Variants in CACNA1A observed in about 807,000 individuals in gnomAD.
CACNA1A encodes the protein voltage-dependent P/Q-type calcium channel subunit alpha-1A.
In CACNA1A, 57 loss-of-function variants were observed where a neutral mutation model predicts 262.4. That is an observed-to-expected ratio of 0.22 (90% CI 0.18 to 0.27). The LOEUF (loss-of-function observed/expected upper bound fraction) is 0.27. Ranked by LOEUF, CACNA1A falls within the 10% of genes least tolerant of loss-of-function variation. The pLI is 1.00. For synonymous variants in CACNA1A, 1,431 were observed against 1,419.3 expected (o/e 1.01, Z -0.18); for missense variants, 2,526 against 3,562.8 (o/e 0.71, Z 7.41).
chr19:13,291,190 G>C (rs2057528591), intron 19 of CACNA1A, among the ~76,000 whole-genome samples: 1 of 152,140 alleles, frequency 6.6e-6, no homozygotes, highest in Non-Finnish European at 1.5e-5. Flanking sequence ...TGGCGTTCTT[G>C]TGCCAGCTGA....
chr19:13,264,015 C>A (rs904212412), intron 24 of CACNA1A, among the ~76,000 whole-genome samples: 7 of 152,152 alleles, frequency 4.6e-5, no homozygotes, highest in Non-Finnish European at 8.8e-5. Context: ...GTGGCTGCTG[C>A]CATGGTCTCT....
rs569243883 is a variant in CACNA1A at position 13,483,397 on chromosome 19, T to TC, written c.293+22534dup. Among the ~76,000 whole-genome samples the TC allele has an allele frequency of 2.6e-5, 4 of 152,180 alleles. No homozygotes were observed. The South Asian group carries it at 8.3e-4, about 32-fold the overall frequency. ...AATACACCTTTAAGAAGACTGCTCT[T>TC]CCCCACTTGGAGAAGTTGGCTCCAC... On this transcript the variant is annotated intron_variant, in intron 1 of 46. Transcript: ENST00000360228.
At chr19:13,403,633 C>T (rs7246606) in intron 3 of CACNA1A, among the ~76,000 whole-genome samples, 70 of 152,202 alleles carry the variant, frequency 4.6e-4, no homozygotes, top group African/African-American at 1.5e-3. Context: ...TTGTGCTTGG[C>T]GACCTTTATA....
At chr19:13,209,080 G>GA in intron 45 of CACNA1A, 71 bp from the exon 46 acceptor site, 1 of 1,529,496 alleles carries the variant, frequency 6.5e-7, no homozygotes, top group East Asian at 2.5e-5. Context: ...GCACACACAG[G>GA]AGGCCACCTG....
intron 38 of CACNA1A, among the ~76,000 whole-genome samples, chr19:13,220,652 C>T (rs1441998874): frequency 6.6e-6 from 1 of 152,128 alleles, no homozygotes; most frequent in East Asian, 1.9e-4. Context: ...TGTGAGCTGA[C>T]AAATAGGTGT....
In CACNA1A at chr19:13,437,907, G is replaced by C. The variant is rs140502345; in HGVS notation, c.539+14969C>G. Among the ~76,000 whole-genome samples, 1,019 of 152,004 alleles carry C rather than the reference G, an allele frequency of 6.7e-3. 17 individuals carry two copies. The highest frequency in any genetic ancestry group is 0.022 in the African/African-American group (921 of 41,460). On this transcript the variant is annotated intron_variant, in intron 3 of 46. Coordinates refer to ENST00000360228, the MANE Select transcript of CACNA1A (RefSeq NM_001127222.2). ...AGCCCCAGTGGACAGAGGGAGCCAG[G>C]TTGCGTGTCTGTGCATGTCAGCATG... is the stretch of plus-strand genomic sequence containing the variant.
intron 3 of CACNA1A, among the ~76,000 whole-genome samples, chr19:13,418,564 C>T (rs1357239532): frequency 6.6e-6 from 1 of 152,082 alleles, no homozygotes; most frequent in Non-Finnish European, 1.5e-5. Flanking sequence ...CCTTATGACA[C>T]AGCAGAAGAG....
intron 3 of CACNA1A, among the ~76,000 whole-genome samples, chr19:13,417,588 G>C (rs2060245048): frequency 1.3e-5 from 2 of 152,098 alleles, no homozygotes; most frequent in African/African-American, 4.8e-5. Flanking sequence ...AGCACAAGGA[G>C]TTAAAAGAGA....
At chr19:13,393,018 C>CT in intron 3 of CACNA1A, among the ~76,000 whole-genome samples, 1 of 152,214 alleles carries the variant, frequency 6.6e-6, no homozygotes, top group Non-Finnish European at 1.5e-5. Context: ...ATTTGCCCCC[C>CT]TCAGCCTCCC....
intron 30 of CACNA1A, among the ~76,000 whole-genome samples, chr19:13,250,741 T>C (rs1814615125): frequency 6.6e-6 from 1 of 152,166 alleles, no homozygotes; most frequent in African/African-American, 2.4e-5. Context: ...CATGTGAGAA[T>C]AGTGCTGGCT....
chr19:13,209,339 G>T lies in CACNA1A; in HGVS notation c.6499C>A (p.Leu2167Met). 7.2e-7 allele frequency: 1 copy of T among 1,395,990 alleles called. No homozygotes were observed. The highest frequency in any genetic ancestry group is 9.3e-7 in the Non-Finnish European group (1 of 1,070,934). The allele number at this position is 1,395,990 out of a possible 1,614,324, so 86.5% of individuals were successfully genotyped here. ...GTGTCCACATCGGTGTAGCGGCCCA[G>T]GGAGCGCTCAGAGGCGCGGTGGCTG... is the stretch of plus-strand genomic sequence containing the variant. ...DRSHRASERSLGRYTDVDTGL... is the reference protein window; with the variant it reads ...DRSHRASERSMGRYTDVDTGL... The change falls in exon 45 of 47, where the codon CTG becomes ATG. Residue 2167 changes from leucine (L) to methionine (M), a missense_variant. Physicochemically the swap from Leu to Met is conservative, Grantham distance 15 (BLOSUM62 2). Transcript: ENST00000360228.
Position 13,241,958 on chromosome 19 carries a change from G to A in CACNA1A, c.4950+3224C>T, listed in dbSNP as rs1474221950. On this transcript the variant is annotated intron_variant, in intron 31 of 46. Coordinates refer to ENST00000360228, the MANE Select transcript of CACNA1A (RefSeq NM_001127222.2). The surrounding 1 kb of genome is among the most constrained non-coding windows in gnomAD (Gnocchi z 4.0). ...CCCCCTAAACCCCAGGGACCTGCCC[G>A]CCCAAGCATCTGGCATTTCCTGTCT... Among the ~76,000 whole-genome samples the A allele has an allele frequency of 2.0e-5, 3 of 152,060 alleles. No homozygotes were observed. Among genetic ancestry groups the A allele is most frequent in the East Asian group, 1.9e-4 (1 of 5,176 alleles).
intron 3 of CACNA1A, among the ~76,000 whole-genome samples, chr19:13,404,038 T>A (rs2059957619): frequency 6.6e-6 from 1 of 152,122 alleles, no homozygotes; most frequent in Non-Finnish European, 1.5e-5. Context: ...AGCTGTGTGA[T>A]CTTGGGGCAG....
intron 3 of CACNA1A, among the ~76,000 whole-genome samples, chr19:13,372,174 T>A (rs1418283026): frequency 6.6e-6 from 1 of 151,964 alleles, no homozygotes; most frequent in Admixed American, 6.6e-5. Context: ...TTTATTTTAT[T>A]TTTTTGAGAC....
chr19:13,419,164 C>G (rs984684164), intron 3 of CACNA1A, among the ~76,000 whole-genome samples: 1 of 152,164 alleles, frequency 6.6e-6, no homozygotes, highest in Non-Finnish European at 1.5e-5. Flanking sequence ...GCCACCGTGC[C>G]CGGCCTAGAT....
intron 1 of CACNA1A, among the ~76,000 whole-genome samples, chr19:13,487,845 C>T (rs573533268): frequency 1.1e-4 from 17 of 151,848 alleles, no homozygotes; most frequent in African/African-American, 4.1e-4. Context: ...CACTCTTGTC[C>T]CCCAGGCTGG....
Position 13,207,839 on chromosome 19 carries a change from C to T in CACNA1A, c.6995G>A (p.Arg2332Gln), listed in dbSNP as rs748579395. The change falls in exon 47 of 47, where the codon CGG (arginine) becomes CAG (glutamine). Residue 2332 changes from arginine (R) to glutamine (Q), a missense_variant. Arg to Gln is a conservative substitution (Grantham distance 43, BLOSUM62 1). Coordinates refer to ENST00000360228, the MANE Select transcript of CACNA1A (RefSeq NM_001127222.2). The surrounding 1 kb of genome is among the most constrained non-coding windows in gnomAD (Gnocchi z 5.7). ...CCTCCGAGGGCCGCTGGTGGCCGCC[C>T]GGCCCGGCCTGGCCACCGCCTGCTG... ...QQQQAVARPG[R>Q]AATSGPRRYP... 82 of 1,466,344 alleles carry T rather than the reference C, an allele frequency of 5.6e-5. 5 individuals are homozygous for T. In the South Asian group the frequency reaches 1.0e-3, roughly 18 times the overall value. 90.8% of individuals were successfully genotyped at this position (1,466,344 alleles called of 1,614,324 possible).
rs10425460 is a variant in CACNA1A, at chr19:13,330,527, A to C, written c.1256-194T>G. Among the ~76,000 whole-genome samples the C allele has an allele frequency of 0.17, 25,049 of 151,320 alleles. 2,645 individuals are homozygous for C. The highest frequency in any genetic ancestry group is 0.29 in the African/African-American group (11,930 of 41,014). On this transcript the variant is annotated intron_variant, in intron 9 of 46. Coordinates refer to ENST00000360228, the MANE Select transcript of CACNA1A (RefSeq NM_001127222.2). ...CACTTTGCTTAAAGGGGTAAAGACAAGAATCAAGTCGGGTTCAGTCCGACT... is the reference window on the plus strand; with the variant it reads ...CACTTTGCTTAAAGGGGTAAAGACACGAATCAAGTCGGGTTCAGTCCGACT...
chr19:13,283,117 C>T, intron 22 of CACNA1A, 150 bp downstream of exon 22: 1 of 908,804 alleles, frequency 1.1e-6, no homozygotes, highest in Non-Finnish European at 1.6e-6. Context: ...CCCAAGGAAT[C>T]AGAGCTTCCC....
Sources: allele counts gnomAD v4.1 joint callset (sites outside exome capture counted in the v4.1 genomes callset), GRCh38; gene constraint gnomAD v4.1.1; non-coding constraint Gnocchi (gnomAD v3.1); transcripts MANE v1.5; gene names NCBI Gene and HGNC (gene_info 2026-07-23, HGNC 2026-07-21).